Variants in CNTNAP3B observed in about 807,000 individuals in gnomAD.
The protein encoded by CNTNAP3B is contactin associated protein family member 3B.
A neutral mutation model predicts 108.9 loss-of-function variants in CNTNAP3B; 25 were observed. The observed-to-expected ratio is 0.23, with a 90% confidence interval of 0.17 to 0.32. The LOEUF is 0.32. Ranked by LOEUF, CNTNAP3B falls within the 10% of genes least tolerant of loss-of-function variation. CNTNAP3B has a pLI of 1.00. For missense variants in CNTNAP3B, 252 were observed against 1,210.4 expected, an observed-to-expected ratio of 0.21 and a Z score of 11.75; for synonymous variants, 103 against 473.4, an observed-to-expected ratio of 0.22 and a Z score of 10.16.
intron 15 of CNTNAP3B, among the ~76,000 whole-genome samples, chr9:41,925,038 C>A: frequency 1.3e-5 from 2 of 151,912 alleles, no homozygotes; most frequent in Non-Finnish European, 2.9e-5. Flanking sequence ...CATCACTGGT[C>A]CTGTTAGTTT....
In CNTNAP3B at chr9:42,006,120, T is replaced by C. The variant is rs1187166817; in HGVS notation, c.538+7258A>G. Among the ~76,000 whole-genome samples the C allele has an allele frequency of 4.1e-5, 2 of 49,136 alleles. 1 individual carries two copies. Among genetic ancestry groups the C allele is most frequent in the Non-Finnish European group, 9.4e-5 (2 of 21,236 alleles). The allele number at this position is 49,136 out of a possible 152,430, so 32.2% of individuals were successfully genotyped here. A position where few individuals can be genotyped will look rare whatever the true frequency, so the allele number is the denominator to read the frequency against. On this transcript the variant is annotated intron_variant, in intron 4 of 23. Transcript: ENST00000377561. ...ACGCTGCACTGAGTCAGTTAAATGCTGATTTGAATTAACAACTGTGCCTAA... is the reference window on the plus strand; with the variant it reads ...ACGCTGCACTGAGTCAGTTAAATGCCGATTTGAATTAACAACTGTGCCTAA...
intron 1 of CNTNAP3B, among the ~76,000 whole-genome samples, chr9:42,115,457 A>G (rs71512004): frequency 7.2e-6 from 1 of 138,636 alleles, no homozygotes. Flanking sequence ...CTGGGAGACA[A>G]CTCCCAGTAG....
chr9:42,035,427 G>A (rs1485673736), intron 3 of CNTNAP3B, among the ~76,000 whole-genome samples: 1 of 145,952 alleles, frequency 6.9e-6, no homozygotes, highest in East Asian at 2.1e-4. Flanking sequence ...CCTAACCTCA[G>A]GTTCCTAACT....
chr9:42,054,594 T>C (rs1275881888), intron 3 of CNTNAP3B, among the ~76,000 whole-genome samples: 1 of 151,604 alleles, frequency 6.6e-6, no homozygotes, highest in African/African-American at 2.4e-5. Context: ...CCAGGTGCTG[T>C]CTGCACCACA....
intron 1 of CNTNAP3B, among the ~76,000 whole-genome samples, chr9:42,112,893 G>A (rs62558088): frequency 0.4 from 43,328 of 109,072 alleles, 10,848 homozygotes; most frequent in East Asian, 0.65. Context: ...TTTTTGAGAC[G>A]GAGCCTCGCC....
rs1047949198 is a variant in CNTNAP3B at position 42,119,984 on chromosome 9, T to C, written c.85+9026A>G. The stretch of plus-strand genomic sequence containing the variant: ...GCCAAAATTGACAAATGGGATCTAA[T>C]TAAACTAAAGAGCTTCTACAGAGCA... On this transcript the variant is annotated intron_variant, in intron 1 of 23. Transcript: ENST00000377561. 3.5e-5 allele frequency among the ~76,000 whole-genome samples: 5 copies of C among 144,036 alleles called. No homozygotes were observed. In the East Asian group the frequency reaches 1.0e-3, roughly 30 times the overall value. 94.5% of individuals were successfully genotyped at this position (144,036 alleles called of 152,430 possible).
At chr9:42,070,874 C>T (rs879699885) in intron 3 of CNTNAP3B, among the ~76,000 whole-genome samples, 6,400 of 145,480 alleles carry the variant, frequency 0.044, 20 homozygotes, top group South Asian at 0.11. Context: ...TTGTCCACTG[C>T]CCCAAAAACG....
intron 18 of CNTNAP3B, among the ~76,000 whole-genome samples, chr9:41,916,458 G>C (rs1411868059): frequency 6.6e-6 from 1 of 152,030 alleles, no homozygotes; most frequent in Admixed American, 6.5e-5. Context: ...TTATTGTCTG[G>C]GTTATATCCC....
At chr9:42,121,073 T>G (rs1202923367) in intron 1 of CNTNAP3B, among the ~76,000 whole-genome samples, 1 of 138,586 alleles carries the variant, frequency 7.2e-6, no homozygotes, top group Non-Finnish European at 1.5e-5. Context: ...ACCCATTCGT[T>G]CATATTCCTC....
intron 3 of CNTNAP3B, among the ~76,000 whole-genome samples, chr9:42,060,377 C>A (rs1189578257): frequency 8.6e-6 from 1 of 116,672 alleles, no homozygotes; most frequent in Non-Finnish European, 1.7e-5. Flanking sequence ...ACAGATAAAT[C>A]TCACTTGATT....
intron 13 of CNTNAP3B, among the ~76,000 whole-genome samples, chr9:41,943,419 C>T (rs1824424292): frequency 1.4e-5 from 2 of 141,038 alleles, no homozygotes; most frequent in Non-Finnish European, 3.0e-5. Flanking sequence ...GTGGTGCAAT[C>T]TCGGCTCACT....
chr9:42,120,868 T>C (rs1828446477), intron 1 of CNTNAP3B, among the ~76,000 whole-genome samples: 1 of 134,378 alleles, frequency 7.4e-6, no homozygotes, highest in Admixed American at 7.4e-5. Context: ...ATATACCTAA[T>C]GTAAATGACA....
chr9:42,117,421 G>A (rs1392185294), intron 1 of CNTNAP3B, among the ~76,000 whole-genome samples: 1 of 138,258 alleles, frequency 7.2e-6, no homozygotes, highest in Non-Finnish European at 1.5e-5. Context: ...GCTCCTGAAT[G>A]ACTACTGGGT....
intron 1 of CNTNAP3B, among the ~76,000 whole-genome samples, chr9:42,113,687 G>T (rs533288255): frequency 7.2e-6 from 1 of 139,364 alleles, no homozygotes; most frequent in Non-Finnish European, 1.5e-5. Flanking sequence ...ATCTTTCCAC[G>T]GGTACAAAAA....
chr9:42,056,753 A>G (rs1448080030), intron 3 of CNTNAP3B, among the ~76,000 whole-genome samples: 1 of 126,694 alleles, frequency 7.9e-6, no homozygotes, highest in Admixed American at 8.1e-5. Context: ...GATGTGTAAG[A>G]GCACTTTACA....
At chr9:42,070,375 T>A (rs1457800134) in intron 3 of CNTNAP3B, among the ~76,000 whole-genome samples, 19 of 149,878 alleles carry the variant, frequency 1.3e-4, no homozygotes, top group African/African-American at 4.7e-4. Context: ...AGAGGCTGAA[T>A]GAAGGCCGAC....
chr9:42,020,561 C>A (rs2118445533), intron 3 of CNTNAP3B, among the ~76,000 whole-genome samples: 1 of 144,306 alleles, frequency 6.9e-6, no homozygotes, highest in East Asian at 2.1e-4. Flanking sequence ...CAGAGACTTT[C>A]AACAACCAGC....
In CNTNAP3B at chr9:42,115,079, T is replaced by A. The variant is rs1215412386; in HGVS notation, c.86-10340A>T. ...GGAAAAAAAAAAGAAATACTTACAA[T>A]GAAAAGGAACATTAAAAGGAGGCAA... is the stretch of plus-strand genomic sequence containing the variant. On this transcript the variant is annotated intron_variant, in intron 1 of 23. Coordinates refer to ENST00000377561, the MANE Select transcript of CNTNAP3B (RefSeq NM_001201380.3). Among the ~76,000 whole-genome samples the A allele has an allele frequency of 1.5e-5, 2 of 135,120 alleles. 1 individual carries two copies. The highest frequency in any genetic ancestry group is 5.9e-5 in the African/African-American group (2 of 33,648). The allele number at this position is 135,120 out of a possible 152,430, so 88.6% of individuals were successfully genotyped here.
At chr9:42,093,281 G>T (rs1564193921) in intron 2 of CNTNAP3B, among the ~76,000 whole-genome samples, 1 of 95,088 alleles carries the variant, frequency 1.1e-5, no homozygotes, top group Non-Finnish European at 2.2e-5. Context: ...GGAAGCGGAG[G>T]TTGCAGTCAG....
Sources: allele counts gnomAD v4.1 joint callset (sites outside exome capture counted in the v4.1 genomes callset), GRCh38; gene constraint gnomAD v4.1.1; transcripts MANE v1.5; gene names NCBI Gene and HGNC (gene_info 2026-07-23, HGNC 2026-07-21).